Variants in GPRASP3 observed in about 807,000 individuals in gnomAD.
The protein encoded by GPRASP3 is G protein-coupled receptor associated sorting protein 3.
chrX:102,727,190 T>G, the GPRASP3 span, among the ~76,000 whole-genome samples: 1 of 112,709 alleles, frequency 8.9e-6, no homozygotes, highest in Non-Finnish European at 1.9e-5. Flanking sequence ...GCAGCCTTGA[T>G]GGTTGTTTAA....
the GPRASP3 span, among the ~76,000 whole-genome samples, chrX:102,728,167 TAA>T: frequency 8.9e-6 from 1 of 111,953 alleles, no homozygotes; most frequent in Non-Finnish European, 1.9e-5. Flanking sequence ...CTCCTAGCAT[TAA>T]GTTACAGTTC....
the GPRASP3 span, among the ~76,000 whole-genome samples, chrX:102,744,846 C>T: frequency 3.6e-5 from 4 of 111,302 alleles, no homozygotes; most frequent in Non-Finnish European, 7.5e-5. Flanking sequence ...GATTCAGTAG[C>T]CCCTCACCTC....
the GPRASP3 span, among the ~76,000 whole-genome samples, chrX:102,734,621 A>T: frequency 0.024 from 2,653 of 111,146 alleles, 76 homozygotes; most frequent in African/African-American, 0.082. Context: ...TGTCTCAAAA[A>T]AATAATAATA....
the GPRASP3 span, among the ~76,000 whole-genome samples, chrX:102,746,826 A>G: frequency 1.1e-4 from 12 of 112,661 alleles, no homozygotes; most frequent in Admixed American, 1.0e-3. Context: ...ATTGCCTTAC[A>G]TATTTAGATC....
the GPRASP3 span, among the ~76,000 whole-genome samples, chrX:102,726,681 T>C: frequency 8.9e-6 from 1 of 112,490 alleles, no homozygotes; most frequent in Non-Finnish European, 1.9e-5. Context: ...CTGTCGACAC[T>C]GTAAATGTGT....
chrX:102,743,940 T>C, the GPRASP3 span, among the ~76,000 whole-genome samples: 5 of 111,695 alleles, frequency 4.5e-5, no homozygotes, highest in African/African-American at 1.6e-4. Flanking sequence ...GGACGTTGCA[T>C]ATGTTGTAAC....
chrX:102,750,697 A>C, the GPRASP3 span: 1 of 944,220 alleles, frequency 1.1e-6, no homozygotes, highest in Non-Finnish European at 1.4e-6. Context: ...GCTGTACATT[A>C]CAGTGTACAC....
At chrX:102,750,763 T>C in the GPRASP3 span, 2 of 527,876 alleles carry the variant, frequency 3.8e-6, no homozygotes, top group Non-Finnish European at 5.6e-6. Flanking sequence ...AGGTTTGAGC[T>C]AGACTATTTT....
At chrX:102,727,299 A>G in the GPRASP3 span, among the ~76,000 whole-genome samples, 3 of 112,158 alleles carry the variant, frequency 2.7e-5, no homozygotes, top group Non-Finnish European at 3.8e-5. Flanking sequence ...CAACAATTCC[A>G]GGAGGTAAGC....
the GPRASP3 span, among the ~76,000 whole-genome samples, chrX:102,739,995 C>T: frequency 9.0e-6 from 1 of 111,522 alleles, no homozygotes; most frequent in Non-Finnish European, 1.9e-5. Flanking sequence ...GTCTGGTGGG[C>T]GTGAAAAGCC....
chrX:102,750,379 A>G, the GPRASP3 span: 3 of 1,201,723 alleles, frequency 2.5e-6, no homozygotes, highest in African/African-American at 5.3e-5. Flanking sequence ...CAAAACCAGA[A>G]ATCTTGTTTT....
At chrX:102,741,713 A>G in the GPRASP3 span, among the ~76,000 whole-genome samples, 3 of 112,197 alleles carry the variant, frequency 2.7e-5, no homozygotes, top group East Asian at 8.4e-4. Flanking sequence ...TAACATAGGC[A>G]TATCATATGC....
chrX:102,734,785 T>C, the GPRASP3 span, among the ~76,000 whole-genome samples: 1 of 111,886 alleles, frequency 8.9e-6, no homozygotes, highest in Non-Finnish European at 1.9e-5. Context: ...CACTAAGTTA[T>C]ATCAGAGTCT....
the GPRASP3 span, among the ~76,000 whole-genome samples, chrX:102,727,160 A>T: frequency 8.9e-6 from 1 of 112,514 alleles, no homozygotes; most frequent in Admixed American, 9.4e-5. Context: ...TTATCCAATG[A>T]TTGTAAGTAC....
chrX:102,729,953 C>T, the GPRASP3 span, among the ~76,000 whole-genome samples: 3 of 111,788 alleles, frequency 2.7e-5, no homozygotes, highest in Non-Finnish European at 3.8e-5. Context: ...GGGCAGATTT[C>T]GTGGAAGACA....
At chrX:102,749,312 G>T in the GPRASP3 span, 1 of 1,210,441 alleles carries the variant, frequency 8.3e-7, no homozygotes, top group African/African-American at 1.7e-5. Context: ...AATGAGGCTG[G>T]TACTGATGCC....
chrX:102,725,216 C>T, the GPRASP3 span, among the ~76,000 whole-genome samples: 1 of 112,279 alleles, frequency 8.9e-6, no homozygotes, highest in Non-Finnish European at 1.9e-5. Context: ...CTCTTGTTCT[C>T]AAGTGCCTCA....
At chrX:102,729,269 C>G in the GPRASP3 span, among the ~76,000 whole-genome samples, 1 of 111,766 alleles carries the variant, frequency 8.9e-6, no homozygotes, top group Non-Finnish European at 1.9e-5. Flanking sequence ...TTTATCAGAG[C>G]CTTATCTCAG....
the GPRASP3 span, among the ~76,000 whole-genome samples, chrX:102,727,161 T>C: frequency 8.9e-6 from 1 of 112,493 alleles, no homozygotes; most frequent in Non-Finnish European, 1.9e-5. Flanking sequence ...TATCCAATGA[T>C]TGTAAGTACT....
Sources: allele counts gnomAD v4.1 joint callset (sites outside exome capture counted in the v4.1 genomes callset), GRCh38; gene constraint gnomAD v4.1.1; transcripts MANE v1.5; gene names NCBI Gene and HGNC (gene_info 2026-07-23, HGNC 2026-07-21).